Variants in ABCA6 observed in about 807,000 individuals in gnomAD.
ABCA6 encodes the protein ATP-binding cassette sub-family A member 6.
ABCA6 carries 164 observed loss-of-function variants against 191.2 expected under a neutral mutation model. That is an observed-to-expected ratio of 0.86 (90% CI 0.76 to 0.98). The LOEUF (loss-of-function observed/expected upper bound fraction) is 0.98, where lower values mean the gene tolerates loss of function less well. Ranked by LOEUF, ABCA6 falls within the 50% of genes least tolerant of loss-of-function variation. The pLI, the probability that ABCA6 is intolerant of heterozygous loss-of-function variation, is 0.00. For missense variants in ABCA6, 1,958 were observed against 1,894.1 expected (o/e 1.03, Z -0.63); for synonymous variants, 636 against 647.7 (o/e 0.98, Z 0.27).
intron 19 of ABCA6, 26 bp downstream of exon 19, chr17:69,106,002 C>CA (rs756172505): frequency 6.5e-7 from 1 of 1,546,016 alleles, no homozygotes; most frequent in Non-Finnish European, 8.7e-7. Context: ...CATGATCTAA[C>CA]AAAACCACAG....
In ABCA6 at chr17:69,083,208, C is replaced by G. The variant is rs953544733; in HGVS notation, c.4475+4G>C. 6 of 1,587,346 alleles carry G rather than the reference C, an allele frequency of 3.8e-6. No individual in the cohort carries two copies. The South Asian group carries it at 5.9e-5, about 15-fold the overall frequency. On this transcript the variant is annotated splice_donor_region_variant and intron_variant, in intron 35 of 38. Transcript: ENST00000284425. ...TCAAATGCAGGCTTCGGAGAGACAC[C>G]CACCTAAGCCTTCCAGACACCATGA...
chr17:69,087,362 G>A lies in ABCA6; in HGVS notation c.3810C>T (p.Ile1270=). 6.2e-7 allele frequency: 1 copy of A among 1,613,418 alleles called. No individual in the cohort carries two copies. Among genetic ancestry groups the A allele is most frequent in the Non-Finnish European group, 8.5e-7 (1 of 1,179,724 alleles). The change falls in exon 29 of 39, where the codon ATC becomes ATT. Residue 1270 remains isoleucine (I), a synonymous_variant. Coordinates refer to ENST00000284425, the MANE Select transcript of ABCA6 (RefSeq NM_080284.3). ...CCCCTTGCTTTTTTACCTCATCTAA[G>A]ATTGAAGTGGTCAGAGCAGTGGCTG... The part of the protein sequence containing the change: ...IRTATALTTS[I]LDEKPVIIAS...
At chr17:69,125,826 G>A (rs2073742447) in intron 8 of ABCA6, among the ~76,000 whole-genome samples, 1 of 152,012 alleles carries the variant, frequency 6.6e-6, no homozygotes, top group South Asian at 2.1e-4. Flanking sequence ...CATTAAATAG[G>A]AAAATAATGT....
chr17:69,085,124 T>C lies in ABCA6; in HGVS notation c.4088A>G (p.Asn1363Ser), dbSNP rs759910624. 1.9e-6 allele frequency: 3 copies of C among 1,613,222 alleles called. No individual in the cohort carries two copies. The East Asian group carries it at 6.7e-5, about 36-fold the overall frequency. Residue 1363 changes from asparagine to serine, a missense_variant, in exon 32 of 39, where the codon AAC (asparagine) becomes AGC (serine). Transcript: ENST00000284425. ...LGHLGYCPQE[N>S]VLWPMLTLRE... ...CAACGTCAGCATGGGCCACAGCACG[T>C]TCTCTTGAGGGCAGTACCCCAGGTG...
chr17:69,124,903 C>A lies in ABCA6; in HGVS notation c.1252G>T (p.Asp418Tyr). 1 of 1,560,398 alleles carries A rather than the reference C, an allele frequency of 6.4e-7. No individual in the cohort carries two copies. Among genetic ancestry groups the A allele is most frequent in the Non-Finnish European group, 8.7e-7 (1 of 1,155,758 alleles). Residue 418 changes from aspartate (D) to tyrosine (Y), a missense_variant, in exon 9 of 39, where the codon GAC becomes TAC. Coordinates refer to ENST00000284425, the MANE Select transcript of ABCA6 (RefSeq NM_080284.3). ...LIYLLLALYF[D>Y]KILPYGDERH... ...TATTACTTACAGGGTAAAATTTTGTCAAAGTATAATGCCAATAGCAAGTAG... is the reference window on the plus strand; with the variant it reads ...TATTACTTACAGGGTAAAATTTTGTAAAAGTATAATGCCAATAGCAAGTAG...
At chr17:69,122,807 A>C (rs576252288) in intron 10 of ABCA6, among the ~76,000 whole-genome samples, 36 of 152,162 alleles carry the variant, frequency 2.4e-4, no homozygotes, top group African/African-American at 8.2e-4. Flanking sequence ...TTCAAGTAAC[A>C]GAAGAAATTG....
rs2073820987 is a variant in ABCA6, at chr17:69,129,501, C to T, written c.933+109G>A. The T allele has an allele frequency of 5.4e-6, 5 of 930,696 alleles. No homozygotes were observed. In the East Asian group the frequency reaches 1.2e-4, roughly 23 times the overall value. 57.7% of individuals were successfully genotyped at this position (930,696 alleles called of 1,614,324 possible). A position where few individuals can be genotyped will look rare whatever the true frequency, so the allele number is the denominator to read the frequency against. The stretch of plus-strand genomic sequence containing the variant: ...ACACAAGGACACACACATGCACACA[C>T]ACAATGGACATGAAAGTAGTGATTG... On this transcript the variant is annotated intron_variant, in intron 7 of 38. Transcript: ENST00000284425.
At chr17:69,113,454 A>G in intron 14 of ABCA6, 94 bp from the exon 15 acceptor site, 1 of 1,515,388 alleles carries the variant, frequency 6.6e-7, no homozygotes, top group Non-Finnish European at 8.9e-7. Context: ...ATAAAATAAT[A>G]ACCATCCAGC....
Position 69,096,265 on chromosome 17 carries a change from C to A in ABCA6, c.3383G>T (p.Gly1128Val). The change falls in exon 25 of 39, where the codon GGC (glycine) becomes GTC (valine). Residue 1128 changes from glycine to valine, a missense_variant. Physicochemically the swap from Gly to Val is moderately radical, Grantham distance 109. Coordinates refer to ENST00000284425, the MANE Select transcript of ABCA6 (RefSeq NM_080284.3). ...AAAAAAGAAGTAAAATGACCAAAGG[C>A]CACTGTTTTTTCTCCTTTTGCGAAA... ...FIFRKRRKNSGLWSFYFFFAS... is the reference protein window; with the variant it reads ...FIFRKRRKNSVLWSFYFFFAS... The A allele has an allele frequency of 6.6e-7, 1 of 1,506,616 alleles. No homozygotes were observed. The allele number at this position is 1,506,616 out of a possible 1,614,324, so 93.3% of individuals were successfully genotyped here.
intron 15 of ABCA6, 132 bp from the exon 16 acceptor site, chr17:69,112,405 G>A: frequency 1.6e-6 from 1 of 617,234 alleles, no homozygotes; most frequent in African/African-American, 1.9e-5. Flanking sequence ...GATCTAGTGT[G>A]CATTTTAACA....
At chr17:69,090,380 T>C (rs1026042891) in intron 26 of ABCA6, among the ~76,000 whole-genome samples, 2 of 152,236 alleles carry the variant, frequency 1.3e-5, no homozygotes, top group African/African-American at 4.8e-5. Flanking sequence ...TAATGCCTCC[T>C]GGCTTTTCCT....
intron 11 of ABCA6, among the ~76,000 whole-genome samples, chr17:69,117,381 T>C (rs1274951547): frequency 2.0e-5 from 3 of 152,074 alleles, no homozygotes; most frequent in Non-Finnish European, 4.4e-5. Context: ...TTTGCTTAAA[T>C]GTCTGTTATA....
chr17:69,119,744 A>G (rs1353654339), intron 10 of ABCA6, among the ~76,000 whole-genome samples: 2 of 151,988 alleles, frequency 1.3e-5, no homozygotes, highest in Admixed American at 1.3e-4. Flanking sequence ...ACATATATAC[A>G]TGCACTCACA....
chr17:69,096,444 G>C (rs1232249744), intron 24 of ABCA6, 91 bp from the exon 25 acceptor site: 3 of 843,418 alleles, frequency 3.6e-6, no homozygotes, highest in Non-Finnish European at 5.1e-6. Context: ...AAGTAACCTG[G>C]CATAAGTATA....
intron 6 of ABCA6, among the ~76,000 whole-genome samples, chr17:69,130,694 A>C (rs1263377801): frequency 6.6e-6 from 1 of 152,200 alleles, no homozygotes; most frequent in Non-Finnish European, 1.5e-5. Flanking sequence ...GCTTTGTTAG[A>C]TATTGCCATA....
chr17:69,114,717 T>G (rs1375265524), intron 13 of ABCA6, 45 bp downstream of exon 13: 4 of 1,517,094 alleles, frequency 2.6e-6, no homozygotes, highest in Admixed American at 2.1e-5. Flanking sequence ...TGATTTAATT[T>G]GGTAAGTGGT....
Position 69,081,135 on chromosome 17 carries a change from AAG to A in ABCA6, c.4625_4626del (p.Ser1542PhefsTer5), listed in dbSNP as rs778955177. 6.3e-5 allele frequency: 100 copies of A among 1,591,376 alleles called. No homozygotes were observed. The East Asian group carries it at 2.2e-3, about 35-fold the overall frequency. ...GCCACGGGCAGCTTATAGGTTAACA[AAG>A]AGGAATACCTGAAAACAGGAAGATG... ...PQAAGQERYS[S>X]LLTYKLPVAD... On this transcript the variant is annotated frameshift_variant, in exon 37 of 39. Transcript: ENST00000284425. LOFTEE classifies it high-confidence loss of function.
chr17:69,134,420 A>G (rs2073916272), intron 5 of ABCA6, among the ~76,000 whole-genome samples: 1 of 152,188 alleles, frequency 6.6e-6, no homozygotes, highest in Non-Finnish European at 1.5e-5. Context: ...GGTGCTATCT[A>G]TGAGGAATGG....
At chr17:69,139,417 G>C (rs2073995879) in intron 2 of ABCA6, among the ~76,000 whole-genome samples, 5 of 152,180 alleles carry the variant, frequency 3.3e-5, no homozygotes, top group Admixed American at 2.6e-4. Context: ...ACACCAGTTA[G>C]AATGGCAATC....
Sources: gnomAD v4.1 joint callset for allele counts (sites outside exome capture counted in the v4.1 genomes callset) on GRCh38, gnomAD v4.1.1 for gene constraint, MANE v1.5 for transcripts, NCBI Gene and HGNC (gene_info 2026-07-23, HGNC 2026-07-21) for gene names.